Variants in GRM5 observed in about 807,000 individuals in gnomAD.
The protein encoded by GRM5 is metabotropic glutamate receptor 5.
In GRM5, 19 loss-of-function variants were observed where a neutral mutation model predicts 83.1. The observed-to-expected ratio is 0.23, with a 90% CI of 0.16 to 0.34. GRM5 has a LOEUF of 0.34. GRM5 is among the 10% of genes least tolerant of loss of function. The probability of loss-of-function intolerance (pLI) is 1.00; values close to 1 mark genes in which losing one functional copy is unlikely to be tolerated. For synonymous variants in GRM5, 675 were observed against 633.6 expected (o/e 1.07, Z -0.98); for missense variants, 1,160 against 1,588.3 (o/e 0.73, Z 4.58).
intron 2 of GRM5, among the ~76,000 whole-genome samples, chr11:89,035,858 A>G (rs1393883925): frequency 6.6e-6 from 1 of 152,018 alleles, no homozygotes; most frequent in African/African-American, 2.4e-5. Context: ...CCTAGGGTCC[A>G]TGTTATTTTT....
intron 2 of GRM5, among the ~76,000 whole-genome samples, chr11:88,875,638 G>A (rs1944840970): frequency 6.6e-6 from 1 of 152,016 alleles, no homozygotes. Flanking sequence ...ATAGCATTAT[G>A]AAATATATTT....
intron 3 of GRM5, among the ~76,000 whole-genome samples, chr11:88,696,146 GT>G (rs1940896078): frequency 2.6e-5 from 4 of 152,114 alleles, no homozygotes; most frequent in Non-Finnish European, 5.9e-5. Context: ...GAGTGGGAAG[GT>G]ACTCTTCCCC....
At chr11:88,641,784 C>T (rs540353048) in intron 4 of GRM5, among the ~76,000 whole-genome samples, 5 of 152,306 alleles carry the variant, frequency 3.3e-5, no homozygotes, top group Admixed American at 6.5e-5. Context: ...CTCCCACGGC[C>T]TTGGGCAGCT....
chr11:88,975,681 C>A (rs797007085), intron 2 of GRM5, among the ~76,000 whole-genome samples: 2 of 152,226 alleles, frequency 1.3e-5, no homozygotes, highest in African/African-American at 4.8e-5. Context: ...TAACATTATC[C>A]CCAGTTGACT....
At chr11:88,547,762 A>C (rs1368059792) in intron 8 of GRM5, among the ~76,000 whole-genome samples, 1 of 152,194 alleles carries the variant, frequency 6.6e-6, no homozygotes, top group Non-Finnish European at 1.5e-5. Flanking sequence ...CTGGGCATAC[A>C]GGCTCAAATT....
chr11:89,062,578 C>A (rs1349344623), intron 1 of GRM5, among the ~76,000 whole-genome samples: 1 of 152,156 alleles, frequency 6.6e-6, no homozygotes, highest in Non-Finnish European at 1.5e-5. Context: ...TATTGGAGAC[C>A]CTATCTTGGT....
intron 2 of GRM5, among the ~76,000 whole-genome samples, chr11:88,982,058 A>G (rs1237991279): frequency 1.3e-5 from 2 of 152,364 alleles, no homozygotes; most frequent in East Asian, 3.8e-4. Flanking sequence ...AAGCAAAGTG[A>G]CATTTCAAAA....
intron 3 of GRM5, among the ~76,000 whole-genome samples, chr11:88,835,510 T>G (rs939747517): frequency 2.6e-5 from 4 of 152,156 alleles, no homozygotes; most frequent in African/African-American, 9.7e-5. Flanking sequence ...TCATAGGAAG[T>G]GACTGGCAGA....
chr11:88,773,773 A>G (rs1301991323), intron 3 of GRM5, among the ~76,000 whole-genome samples: 1 of 151,990 alleles, frequency 6.6e-6, no homozygotes, highest in African/African-American at 2.4e-5. Context: ...GATGTATGGT[A>G]TTATTTCTGA....
chr11:88,696,414 G>T (rs892208664), intron 3 of GRM5, among the ~76,000 whole-genome samples: 2 of 152,112 alleles, frequency 1.3e-5, no homozygotes, highest in African/African-American at 4.8e-5. Flanking sequence ...TATCACTTAG[G>T]TCTGTGGAGC....
At chr11:88,739,742 A>C (rs1201346673) in intron 3 of GRM5, among the ~76,000 whole-genome samples, 1 of 152,054 alleles carries the variant, frequency 6.6e-6, no homozygotes, top group East Asian at 1.9e-4. Flanking sequence ...TTCTACTTAC[A>C]TCATGATTGT....
At chr11:88,584,205 TACACACACACACACACAC>T (rs10526384) in intron 7 of GRM5, among the ~76,000 whole-genome samples, 81 of 144,310 alleles carry the variant, frequency 5.6e-4, no homozygotes, top group African/African-American at 2.0e-3. Context: ...TGTTTCAAAT[TACACACACACACACACAC>T]ACACACACAC....
intron 2 of GRM5, chr11:88,925,939 T>G (rs1724590308): frequency 3.6e-6 from 1 of 278,338 alleles, no homozygotes; most frequent in African/African-American, 2.3e-5. Flanking sequence ...GCACATTTCT[T>G]CTTTTCCTGC....
At chr11:88,757,869 A>G (rs188968698) in intron 3 of GRM5, among the ~76,000 whole-genome samples, 60 of 151,926 alleles carry the variant, frequency 3.9e-4, no homozygotes, top group Admixed American at 3.5e-3. Context: ...CAAGAGCACC[A>G]TGGCTTCCCC....
intron 2 of GRM5, among the ~76,000 whole-genome samples, chr11:89,028,039 C>G (rs1398925322): frequency 6.6e-6 from 1 of 152,184 alleles, no homozygotes; most frequent in Non-Finnish European, 1.5e-5. Context: ...AGGAGGACAA[C>G]ACAGCATTCA....
chr11:88,564,494 G>T (rs555564056), intron 8 of GRM5, among the ~76,000 whole-genome samples: 1 of 152,150 alleles, frequency 6.6e-6, no homozygotes, highest in Non-Finnish European at 1.5e-5. Context: ...TCAGTGATCC[G>T]ATTCTAGAGC....
intron 3 of GRM5, among the ~76,000 whole-genome samples, chr11:88,703,595 T>C (rs1941086252): frequency 6.6e-6 from 1 of 152,038 alleles, no homozygotes; most frequent in Non-Finnish European, 1.5e-5. Flanking sequence ...CCACATGTCA[T>C]GAGAGGGACC....
In GRM5 at chr11:89,047,382, AG is replaced by A. The variant is rs1384743900; in HGVS notation, c.490del (p.Leu164PhefsTer16). The A allele has an allele frequency of 6.2e-7, 1 of 1,614,124 alleles. No homozygotes were observed. On this transcript the variant is annotated frameshift_variant, in exon 2 of 10. Transcript: ENST00000305447. LOFTEE classifies it high-confidence loss of function. This position sits in a 1 kb window ranked among gnomAD's most constrained non-coding sequence, Gnocchi z 5.1. Reference sequence around the variant, plus strand: ...GTAAGCAATCTGAGGTATGTTGAAAAGCTGGAGCAAATTCTGGACCTGAATG... The same window carrying A: ...GTAAGCAATCTGAGGTATGTTGAAAACTGGAGCAAATTCTGGACCTGAATG... The part of the protein sequence containing the change: ...VAIQVQNLLQ[L>X]FNIPQIAYSA...
chr11:88,535,843 G>A (rs1252032772), intron 8 of GRM5, among the ~76,000 whole-genome samples: 2 of 152,154 alleles, frequency 1.3e-5, no homozygotes, highest in Admixed American at 6.5e-5. Flanking sequence ...GTGTTACTTA[G>A]ATGTTTGTGT....
Sources: allele counts gnomAD v4.1 joint callset (sites outside exome capture counted in the v4.1 genomes callset), GRCh38; gene constraint gnomAD v4.1.1; non-coding constraint Gnocchi (gnomAD v3.1); transcripts MANE v1.5; gene names NCBI Gene and HGNC (gene_info 2026-07-23, HGNC 2026-07-21).